The following ANKRD31 variants were observed in gnomAD, a reference collection of about 807,000 sequenced individuals.
The protein encoded by ANKRD31 is ankyrin repeat domain-containing protein 31.
In ANKRD31, 147 loss-of-function variants were observed where a neutral mutation model predicts 186.0. The observed-to-expected ratio is 0.79, with a 90% confidence interval of 0.69 to 0.91. The LOEUF (loss-of-function observed/expected upper bound fraction) is 0.91, where lower values mean the gene tolerates loss of function less well. ANKRD31 is among the 40% of genes least tolerant of loss of function. The pLI, the probability that ANKRD31 is intolerant of heterozygous loss-of-function variation, is 0.00. For synonymous variants in ANKRD31, 673 were observed against 736.4 expected, an observed-to-expected ratio of 0.91 and a Z score of 1.39; for missense variants, 1,986 against 2,148.8, an observed-to-expected ratio of 0.92 and a Z score of 1.50.
chr5:75,123,228 G>A (rs1748937621), intron 17 of ANKRD31, among the ~76,000 whole-genome samples: 1 of 151,626 alleles, frequency 6.6e-6, no homozygotes, highest in South Asian at 2.1e-4. Flanking sequence ...AAATACCTAG[G>A]AATATAGTTA....
intron 25 of ANKRD31, among the ~76,000 whole-genome samples, chr5:75,077,009 C>A (rs962667968): frequency 6.6e-6 from 1 of 152,006 alleles, no homozygotes; most frequent in African/African-American, 2.4e-5. Context: ...AAGTTCAATG[C>A]CTTTTTTAAA....
rs1389173819 is a variant in ANKRD31 at position 75,129,827 on chromosome 5, C to G, written c.3876+8029G>C. Reference sequence around the variant, plus strand: ...CCACGGAGTGTGAGCCGAAGCAGGGCAGGGCATCACTTTACCCAGGAAGTG... The same window carrying G: ...CCACGGAGTGTGAGCCGAAGCAGGGGAGGGCATCACTTTACCCAGGAAGTG... On this transcript the variant is annotated intron_variant, in intron 17 of 25. Coordinates refer to ENST00000506364, the MANE Select transcript of ANKRD31 (RefSeq NM_001372053.1). 2.0e-5 allele frequency among the ~76,000 whole-genome samples: 3 copies of G among 152,318 alleles called. No homozygotes were observed. In the East Asian group the frequency reaches 5.8e-4, roughly 29 times the overall value.
intron 10 of ANKRD31, among the ~76,000 whole-genome samples, chr5:75,188,145 A>G (rs1754863512): frequency 1.3e-5 from 2 of 152,056 alleles, no homozygotes. Context: ...GTGCACCATC[A>G]GCTTCTTCCA....
chr5:75,159,458 T>A (rs1752426768), intron 11 of ANKRD31, among the ~76,000 whole-genome samples: 1 of 151,762 alleles, frequency 6.6e-6, no homozygotes, highest in Admixed American at 6.6e-5. Flanking sequence ...ATGTTAAAAG[T>A]CAAAGATAAA....
chr5:75,125,708 G>A (rs1749196294), intron 17 of ANKRD31, among the ~76,000 whole-genome samples: 1 of 152,080 alleles, frequency 6.6e-6, no homozygotes, highest in East Asian at 1.9e-4. Flanking sequence ...CAGAGACACT[G>A]GGACCCTGGA....
chr5:75,131,482 A>G (rs1749830982), intron 17 of ANKRD31, among the ~76,000 whole-genome samples: 1 of 152,198 alleles, frequency 6.6e-6, no homozygotes, highest in Non-Finnish European at 1.5e-5. Flanking sequence ...ACCATTGCTG[A>G]GGCTTGAGAA....
At chr5:75,230,400 T>C (rs552368712) in intron 2 of ANKRD31, among the ~76,000 whole-genome samples, 162 bp downstream of exon 2, 2 of 152,364 alleles carry the variant, frequency 1.3e-5, no homozygotes, top group Middle Eastern at 3.4e-3. Flanking sequence ...AAATATGCTA[T>C]AAAAACTTAA....
At chr5:75,204,569 T>G (rs1756026979) in intron 5 of ANKRD31, among the ~76,000 whole-genome samples, 1 of 152,264 alleles carries the variant, frequency 6.6e-6, no homozygotes, top group Admixed American at 6.5e-5. Flanking sequence ...TTTAGTATCT[T>G]ATCATGATAG....
intron 12 of ANKRD31, among the ~76,000 whole-genome samples, chr5:75,150,765 A>C (rs1371011028): frequency 2.6e-5 from 4 of 152,046 alleles, no homozygotes; most frequent in Admixed American, 2.6e-4. Context: ...GTAATTATTT[A>C]AAATAGAGAA....
intron 17 of ANKRD31, among the ~76,000 whole-genome samples, chr5:75,129,752 C>T (rs569073230): frequency 1.6e-4 from 25 of 152,280 alleles, no homozygotes; most frequent in African/African-American, 5.1e-4. Flanking sequence ...GCATTTCCAA[C>T]GGAGGTACCA....
At chr5:75,206,173 G>T (rs1470605013) in intron 5 of ANKRD31, among the ~76,000 whole-genome samples, 5 of 135,632 alleles carry the variant, frequency 3.7e-5, no homozygotes, top group Non-Finnish European at 7.9e-5. Flanking sequence ...GAGCCCAGGA[G>T]GTCAAAGCTA....
intron 22 of ANKRD31, among the ~76,000 whole-genome samples, chr5:75,096,634 T>C (rs1452307030): frequency 6.6e-6 from 1 of 152,190 alleles, no homozygotes; most frequent in African/African-American, 2.4e-5. Context: ...CTAGGGTTTT[T>C]ATATTTAAGT....
At chr5:75,224,280 A>C (rs1252099305) in intron 2 of ANKRD31, among the ~76,000 whole-genome samples, 1 of 151,296 alleles carries the variant, frequency 6.6e-6, no homozygotes, top group East Asian at 1.9e-4. Context: ...ACTGTGATTA[A>C]AGTGTCATAC....
rs572949342 is a variant in ANKRD31 at position 75,211,313 on chromosome 5, T to A, written c.289-448A>T. Among the ~76,000 whole-genome samples, 362 of 152,362 alleles carry A rather than the reference T, an allele frequency of 2.4e-3. 1 individual carries two copies. The highest frequency in any genetic ancestry group is 4.0e-3 in the Non-Finnish European group (270 of 68,018). On this transcript the variant is annotated intron_variant, in intron 3 of 25. Transcript: ENST00000506364. ...AGGTTTATCTATGTTGTGGCATGTA[T>A]CTGCATTTTCTTCCATTTTAAGACT...
rs543871365 is a variant in ANKRD31 at position 75,135,809 on chromosome 5, C to T, written c.3876+2047G>A. 5.9e-4 allele frequency among the ~76,000 whole-genome samples: 90 copies of T among 152,200 alleles called. 1 individual carries two copies. Among genetic ancestry groups the T allele is most frequent in the African/African-American group, 2.1e-3 (86 of 41,522 alleles). The stretch of plus-strand genomic sequence containing the variant: ...AACCAAAACAGCATGGTACTGGCAC[C>T]AAAACAGATACATAGACCAATGGAA... On this transcript the variant is annotated intron_variant, in intron 17 of 25. Transcript: ENST00000506364.
chr5:75,233,471 T>A (rs1017848839), intron 1 of ANKRD31, among the ~76,000 whole-genome samples: 1 of 152,158 alleles, frequency 6.6e-6, no homozygotes, highest in African/African-American at 2.4e-5. Flanking sequence ...TTAATCTATT[T>A]CATATTTAAT....
intron 24 of ANKRD31, among the ~76,000 whole-genome samples, 185 bp downstream of exon 24, chr5:75,084,087 G>A (rs938230395): frequency 6.6e-5 from 10 of 152,126 alleles, no homozygotes; most frequent in Admixed American, 5.9e-4. Context: ...ATTATATAGA[G>A]GTGGGTGGTT....
intron 9 of ANKRD31, among the ~76,000 whole-genome samples, chr5:75,190,798 T>C (rs1017716394): frequency 1.3e-5 from 2 of 152,088 alleles, no homozygotes; most frequent in Non-Finnish European, 2.9e-5. Flanking sequence ...GACAAGTATA[T>C]ACCCATGAAA....
At chr5:75,224,128 A>ATT (rs1757465709) in intron 2 of ANKRD31, among the ~76,000 whole-genome samples, 2 of 98,846 alleles carry the variant, frequency 2.0e-5, no homozygotes, top group Admixed American at 1.1e-4. Flanking sequence ...CTCAGAAATA[A>ATT]TTATATATAT....
Sources: allele counts gnomAD v4.1 joint callset (sites outside exome capture counted in the v4.1 genomes callset), GRCh38; gene constraint gnomAD v4.1.1; transcripts MANE v1.5; gene names NCBI Gene and HGNC (gene_info 2026-07-23, HGNC 2026-07-21).